CALN1: variants seen among roughly 807,000 people sequenced by gnomAD.
CALN1 encodes calcium-binding protein 8.
In CALN1, 17 loss-of-function variants were observed where a neutral mutation model predicts 30.6. The observed-to-expected ratio is 0.56, with a 90% CI of 0.38 to 0.83. The LOEUF (loss-of-function observed/expected upper bound fraction) is 0.83, where lower values mean the gene tolerates loss of function less well. Ranked by LOEUF, CALN1 falls within the 40% of genes least tolerant of loss-of-function variation. The pLI is 0.00. For synonymous variants in CALN1, 156 were observed against 131.4 expected (o/e 1.19, Z -1.28); for missense variants, 291 against 354.9 (o/e 0.82, Z 1.45).
chr7:71,822,479 C>T (rs1788654203), intron 5 of CALN1, among the ~76,000 whole-genome samples: 1 of 152,234 alleles, frequency 6.6e-6, no homozygotes, highest in South Asian at 2.1e-4. Flanking sequence ...AACTCCCGAC[C>T]TCAGGTCATC....
chr7:72,484,133 T>C, the CALN1 span, among the ~76,000 whole-genome samples: 1 of 152,230 alleles, frequency 6.6e-6, no homozygotes, highest in Non-Finnish European at 1.5e-5. Context: ...GTTTTCACAA[T>C]TGATTTTTCT....
At chr7:71,959,568 G>C (rs1438109239) in intron 5 of CALN1, among the ~76,000 whole-genome samples, 1 of 151,592 alleles carries the variant, frequency 6.6e-6, no homozygotes, top group African/African-American at 2.4e-5. Flanking sequence ...GAAGAGACTT[G>C]GAGTTTAGGA....
At chr7:72,332,314 G>A (rs1163295747) in intron 2 of CALN1, among the ~76,000 whole-genome samples, 1 of 151,920 alleles carries the variant, frequency 6.6e-6, no homozygotes, top group Non-Finnish European at 1.5e-5. Context: ...AGTTTATGCA[G>A]AAATTTCTAG....
chr7:72,489,063 C>T, the CALN1 span, among the ~76,000 whole-genome samples: 1 of 152,020 alleles, frequency 6.6e-6, no homozygotes, highest in African/African-American at 2.4e-5. Flanking sequence ...TTATGTGGTT[C>T]AAGGATTATT....
At chr7:72,074,464 G>C (rs535270935) in intron 4 of CALN1, among the ~76,000 whole-genome samples, 1 of 152,302 alleles carries the variant, frequency 6.6e-6, no homozygotes, top group East Asian at 1.9e-4. Context: ...CTAGAGTACA[G>C]TGGTGCAATC....
At chr7:72,225,015 A>G (rs1793568923) in intron 3 of CALN1, among the ~76,000 whole-genome samples, 1 of 151,646 alleles carries the variant, frequency 6.6e-6, no homozygotes. Context: ...GGAGAACGGC[A>G]TGCATGAACC....
chr7:72,184,546 T>G (rs560790595), intron 3 of CALN1, among the ~76,000 whole-genome samples: 1 of 152,364 alleles, frequency 6.6e-6, no homozygotes, highest in South Asian at 2.1e-4. Flanking sequence ...AGTGGTTGGC[T>G]CTGATTAGTA....
the CALN1 span, among the ~76,000 whole-genome samples, chr7:72,477,861 A>G: frequency 4.6e-5 from 7 of 152,156 alleles, no homozygotes; most frequent in African/African-American, 1.7e-4. Context: ...CTTTGTGTCC[A>G]TTGGGTTCTC....
intron 5 of CALN1, among the ~76,000 whole-genome samples, chr7:71,937,583 A>G (rs929715117): frequency 1.3e-5 from 2 of 152,034 alleles, no homozygotes; most frequent in East Asian, 3.9e-4. Context: ...GGCTCAAGGG[A>G]TCCTCCCACC....
At chr7:72,046,487 G>T (rs1008683309) in intron 4 of CALN1, among the ~76,000 whole-genome samples, 5 of 151,960 alleles carry the variant, frequency 3.3e-5, no homozygotes, top group Non-Finnish European at 7.4e-5. Context: ...AGAGGCAGGT[G>T]GATCACCTGA....
intron 2 of CALN1, among the ~76,000 whole-genome samples, chr7:72,380,641 C>T (rs879506633): frequency 1.3e-5 from 2 of 152,034 alleles, no homozygotes; most frequent in Non-Finnish European, 2.9e-5. Context: ...AGAGAGAAAC[C>T]AGCTAGACGG....
intron 2 of CALN1, among the ~76,000 whole-genome samples, chr7:72,320,420 G>C (rs1800792517): frequency 6.6e-6 from 1 of 152,080 alleles, no homozygotes; most frequent in Non-Finnish European, 1.5e-5. Flanking sequence ...GCTCTTATTG[G>C]GGAAGCAAGA....
chr7:71,804,000 C>T (rs979566879), intron 6 of CALN1, among the ~76,000 whole-genome samples: 4 of 151,402 alleles, frequency 2.6e-5, no homozygotes, highest in African/African-American at 9.7e-5. Flanking sequence ...TTTGTGTTGA[C>T]CTAAAAATTA....
chr7:72,449,343 C>A (rs1808610162), upstream of CALN1, among the ~76,000 whole-genome samples: 1 of 152,150 alleles, frequency 6.6e-6, no homozygotes, highest in South Asian at 2.1e-4. Context: ...ACCTCAGAGT[C>A]CGTGAGGGAT....
intron 3 of CALN1, among the ~76,000 whole-genome samples, chr7:72,253,150 T>C (rs1451113787): frequency 6.6e-6 from 1 of 152,220 alleles, no homozygotes; most frequent in Non-Finnish European, 1.5e-5. Context: ...TGGACCTCTG[T>C]CTGATTGATC....
chr7:72,278,861 C>A, intron 2 of CALN1, 51 bp from the exon 3 acceptor site: 1 of 1,576,512 alleles, frequency 6.3e-7, no homozygotes, highest in Non-Finnish European at 8.7e-7. Context: ...ATCATTCATT[C>A]TTCCTTTCCT....
At chr7:72,368,211 A>G (rs975648934) in intron 2 of CALN1, among the ~76,000 whole-genome samples, 1 of 151,128 alleles carries the variant, frequency 6.6e-6, no homozygotes, top group African/African-American at 2.4e-5. Flanking sequence ...GTGTGTATAT[A>G]TATCTATGTG....
intron 2 of CALN1, among the ~76,000 whole-genome samples, chr7:72,306,750 G>A (rs1799681578): frequency 6.6e-6 from 1 of 152,122 alleles, no homozygotes; most frequent in Admixed American, 6.6e-5. Flanking sequence ...TTTCTTAAAT[G>A]TATTTGATTG....
At chr7:72,119,967 T>C (rs1016823653) in intron 3 of CALN1, among the ~76,000 whole-genome samples, 1 of 152,150 alleles carries the variant, frequency 6.6e-6, no homozygotes, top group East Asian at 1.9e-4. Flanking sequence ...ATTTCAACTT[T>C]TACTTTAGAT....
Sources: allele counts gnomAD v4.1 joint callset (sites outside exome capture counted in the v4.1 genomes callset), GRCh38; gene constraint gnomAD v4.1.1; transcripts MANE v1.5; gene names NCBI Gene and HGNC (gene_info 2026-07-23, HGNC 2026-07-21).